Variants in WDR27 observed in about 807,000 individuals in gnomAD.
WDR27 encodes WD repeat-containing protein 27.
In WDR27, 100 loss-of-function variants were observed where a neutral mutation model predicts 114.4. The observed-to-expected ratio is 0.87, with a 90% CI of 0.74 to 1.03. WDR27 has a LOEUF of 1.03. WDR27 is among the 50% of genes least tolerant of loss of function. The pLI is 0.00. For synonymous variants in WDR27, 449 were observed against 423.1 expected (o/e 1.06, Z -0.75); for missense variants, 1,129 against 1,092.9 (o/e 1.03, Z -0.47).
At chr6:169,664,138 G>T in intron 8 of WDR27, 28 bp downstream of exon 8, 2 of 1,544,554 alleles carry the variant, frequency 1.3e-6, no homozygotes, top group Non-Finnish European at 1.7e-6. Context: ...CCAAGTGGGA[G>T]GCCTGAGGGA....
At chr6:169,673,701 G>A (rs1779355328) in intron 2 of WDR27, among the ~76,000 whole-genome samples, 2 of 152,076 alleles carry the variant, frequency 1.3e-5, no homozygotes, top group African/African-American at 4.8e-5. Context: ...AATTAAATGA[G>A]TCATCCTCAG....
chr6:169,571,698 G>A (rs1232193492), intron 25 of WDR27, among the ~76,000 whole-genome samples: 2 of 152,132 alleles, frequency 1.3e-5, no homozygotes, highest in Non-Finnish European at 2.9e-5. Flanking sequence ...TTAGTCGGGG[G>A]TGGTGGCTTG....
chr6:169,527,952 T>C (rs2128074642), intron 25 of WDR27, among the ~76,000 whole-genome samples: 1 of 152,252 alleles, frequency 6.6e-6, no homozygotes, highest in African/African-American at 2.4e-5. Flanking sequence ...CTAAAATTTG[T>C]CATATGACAA....
chr6:169,639,198 C>A (rs982197375), intron 17 of WDR27, among the ~76,000 whole-genome samples: 1 of 144,004 alleles, frequency 6.9e-6, no homozygotes, highest in Non-Finnish European at 1.5e-5. Context: ...GCGTGTACTG[C>A]GTGGTGCTGG....
intron 21 of WDR27, among the ~76,000 whole-genome samples, chr6:169,627,923 G>A (rs751361371): frequency 1.8e-4 from 28 of 152,090 alleles, no homozygotes; most frequent in South Asian, 6.2e-4. Flanking sequence ...AGGCCACGGC[G>A]TTCCAGAGAC....
chr6:169,554,646 G>A (rs1180756625), intron 25 of WDR27, among the ~76,000 whole-genome samples: 2 of 152,096 alleles, frequency 1.3e-5, no homozygotes, highest in African/African-American at 2.4e-5. Flanking sequence ...TGTGCCACCC[G>A]GTTCTTCTGC....
At chr6:169,529,557 G>A (rs1054160685) in intron 25 of WDR27, among the ~76,000 whole-genome samples, 12 of 152,306 alleles carry the variant, frequency 7.9e-5, no homozygotes, top group African/African-American at 2.9e-4. Context: ...ACTAAGAATA[G>A]AGGGTTTTTT....
In WDR27 at chr6:169,658,362, A is replaced by C. The variant is rs910403866; in HGVS notation, c.1320-4T>G. 1.9e-6 allele frequency: 3 copies of C among 1,589,194 alleles called. No homozygotes were observed. The highest frequency in any genetic ancestry group is 2.6e-6 in the Non-Finnish European group (3 of 1,167,804). ...AGAGGTCGGTAGGACACAGGAGCTG[A>C]AACAGAAACAAGCCCCATGAAACTA... On this transcript the variant is annotated splice_region_variant and splice_polypyrimidine_tract_variant and intron_variant, in intron 12 of 25. Coordinates refer to ENST00000448612, the MANE Select transcript of WDR27 (RefSeq NM_182552.5).
intron 25 of WDR27, among the ~76,000 whole-genome samples, chr6:169,513,299 C>A (rs763264357): frequency 1.3e-4 from 20 of 152,150 alleles, no homozygotes; most frequent in Non-Finnish European, 2.9e-4. Flanking sequence ...GAAGCTGTAT[C>A]TGTTTCTATG....
chr6:169,679,584 G>C lies in WDR27; in HGVS notation c.190-7188C>G, dbSNP rs570134291. ...CAGTGAGTGAGTTCTCATGAAATCT[G>C]GTCATTTAAAAGTGTATGGCACCTC... On this transcript the variant is annotated intron_variant, in intron 2 of 25. Coordinates refer to ENST00000448612, the MANE Select transcript of WDR27 (RefSeq NM_182552.5). Among the ~76,000 whole-genome samples the C allele has an allele frequency of 1.9e-4, 29 of 152,228 alleles. No individual in the cohort carries two copies. The South Asian group carries it at 5.4e-3, about 28-fold the overall frequency.
chr6:169,653,162 T>C (rs1823064713), intron 13 of WDR27, among the ~76,000 whole-genome samples: 1 of 152,244 alleles, frequency 6.6e-6, no homozygotes, highest in Non-Finnish European at 1.5e-5. Flanking sequence ...CAGGGGAGTT[T>C]CTTTCCATGG....
the WDR27 span, among the ~76,000 whole-genome samples, chr6:169,436,765 A>G: frequency 6.6e-6 from 1 of 152,180 alleles, no homozygotes; most frequent in Non-Finnish European, 1.5e-5. Context: ...ATTGCTAAAT[A>G]TAAATTAATG....
chr6:169,460,987 C>T (rs757688495), intron 25 of WDR27, among the ~76,000 whole-genome samples: 2 of 141,390 alleles, frequency 1.4e-5, no homozygotes, highest in Non-Finnish European at 3.1e-5. Flanking sequence ...ACACCAATAA[C>T]AGAAAAAAAA....
chr6:169,675,650 A>G (rs1779896048), intron 2 of WDR27, among the ~76,000 whole-genome samples: 1 of 152,202 alleles, frequency 6.6e-6, no homozygotes, highest in African/African-American at 2.4e-5. Context: ...GGGGGCTTCC[A>G]GGCTATAGGT....
intron 23 of WDR27, among the ~76,000 whole-genome samples, chr6:169,596,489 G>A (rs547551333): frequency 2.8e-4 from 42 of 151,874 alleles, no homozygotes; most frequent in African/African-American, 8.4e-4. Context: ...GATGTTTTAT[G>A]TGTTTTCTTA....
At chr6:169,443,961 C>T in the WDR27 span, among the ~76,000 whole-genome samples, 210 of 152,232 alleles carry the variant, frequency 1.4e-3, 3 homozygotes, top group East Asian at 0.033. Flanking sequence ...AGGAAGATGG[C>T]GGCATAGACA....
intron 10 of WDR27, among the ~76,000 whole-genome samples, chr6:169,660,324 G>A (rs749331606): frequency 2.0e-5 from 3 of 152,176 alleles, no homozygotes; most frequent in Non-Finnish European, 2.9e-5. Context: ...GGCTCTGGGA[G>A]GCTCTCTAAG....
intron 25 of WDR27, among the ~76,000 whole-genome samples, chr6:169,473,577 A>G (rs146189285): frequency 1.2e-3 from 180 of 152,318 alleles, no homozygotes; most frequent in African/African-American, 4.1e-3. Context: ...GACTAACTCA[A>G]TGGCAAGGGA....
chr6:169,667,837 A>C, intron 5 of WDR27, 145 bp downstream of exon 5: 1 of 783,928 alleles, frequency 1.3e-6, no homozygotes, highest in Non-Finnish European at 2.0e-6. Flanking sequence ...TGTGGAAATC[A>C]GGATAGCGGG....
Sources: allele counts gnomAD v4.1 joint callset (sites outside exome capture counted in the v4.1 genomes callset), GRCh38; gene constraint gnomAD v4.1.1; transcripts MANE v1.5; gene names NCBI Gene and HGNC (gene_info 2026-07-23, HGNC 2026-07-21).